C10orf71: variants seen among roughly 807,000 people sequenced by gnomAD.
C10orf71 encodes chromosome 10 open reading frame 71.
For synonymous variants in C10orf71, 758 were observed against 726.3 expected, an observed-to-expected ratio of 1.04 and a Z score of -0.70; for missense variants, 1,869 against 1,804.5, an observed-to-expected ratio of 1.04 and a Z score of -0.65.
chr10:49,320,410 G>A (rs1227424688), intron 2 of C10orf71, among the ~76,000 whole-genome samples: 3 of 152,226 alleles, frequency 2.0e-5, no homozygotes, highest in Non-Finnish European at 2.9e-5. Flanking sequence ...GGGCCCAGGT[G>A]ATGCAGACTC....
In C10orf71 at chr10:49,318,052, A is replaced by G. The variant is rs531480490; in HGVS notation, c.-145+1805A>G. ...CGATTTTGGACTTCTAGCCTCCAGA[A>G]CTGTGCGGCAATACATTTTCAATGT... is the stretch of plus-strand genomic sequence containing the variant. On this transcript the variant is annotated intron_variant, in intron 2 of 2. Coordinates refer to ENST00000374144, the MANE Select transcript of C10orf71 (RefSeq NM_001135196.2). Among the ~76,000 whole-genome samples the G allele has an allele frequency of 4.6e-5, 7 of 152,238 alleles. No homozygotes were observed. In the South Asian group the frequency reaches 1.5e-3, roughly 32 times the overall value.
intron 1 of C10orf71, among the ~76,000 whole-genome samples, chr10:49,307,350 G>A (rs1848832633): frequency 6.6e-6 from 1 of 152,248 alleles, no homozygotes; most frequent in Non-Finnish European, 1.5e-5. Context: ...GTGTCGTGGA[G>A]CAGCTGGCAG....
chr10:49,326,979 T>G lies in C10orf71; in HGVS notation c.*126T>G, dbSNP rs200006285. The stretch of plus-strand genomic sequence containing the variant: ...CACACACACGATCATCAACACATAC[T>G]TAGCCTTTTTAGATCCATAAAGTCC... On this transcript the variant is annotated 3_prime_UTR_variant, in exon 3 of 3. Transcript: ENST00000374144. The G allele has an allele frequency of 1.4e-4, 207 of 1,469,656 alleles. No homozygotes were observed. In the African/African-American group the frequency reaches 2.7e-3, roughly 19 times the overall value. The allele number at this position is 1,469,656 out of a possible 1,614,324, so 91.0% of individuals were successfully genotyped here.
chr10:49,327,074 C>A lies in C10orf71; in HGVS notation c.*221C>A. ...CTGGCTCTCCTCTGATGGAGGGGCA[C>A]TGCTTGCTTGGCCCGGTCCCCTCCG... On this transcript the variant is annotated 3_prime_UTR_variant, in exon 3 of 3. Transcript: ENST00000374144. 1 of 1,499,864 alleles carries A rather than the reference C, an allele frequency of 6.7e-7. No homozygotes were observed. Among genetic ancestry groups the A allele is most frequent in the South Asian group, 1.2e-5 (1 of 80,314 alleles). 92.9% of individuals were successfully genotyped at this position (1,499,864 alleles called of 1,614,324 possible).
Position 49,306,180 on chromosome 10 carries a change from C to T in C10orf71, c.-248+6947C>T, listed in dbSNP as rs137890615. ...AACCTCCTTCTAGTCCAGGCGTCCTCCCTGCTGTGGTGGGGATCCAGGACC... is the reference window on the plus strand; with the variant it reads ...AACCTCCTTCTAGTCCAGGCGTCCTTCCTGCTGTGGTGGGGATCCAGGACC... On this transcript the variant is annotated intron_variant, in intron 1 of 2. Coordinates refer to ENST00000374144, the MANE Select transcript of C10orf71 (RefSeq NM_001135196.2). Among the ~76,000 whole-genome samples the T allele has an allele frequency of 2.5e-3, 381 of 152,318 alleles. 3 individuals carry two copies. The highest frequency in any genetic ancestry group is 0.014 in the Middle Eastern group (4 of 294).
chr10:49,317,863 A>C (rs1027959729), intron 2 of C10orf71, among the ~76,000 whole-genome samples: 2 of 152,154 alleles, frequency 1.3e-5, no homozygotes, highest in African/African-American at 4.8e-5. Context: ...AATAATTGGA[A>C]AATTTTAAAA....
intron 1 of C10orf71, among the ~76,000 whole-genome samples, chr10:49,310,146 C>A (rs1848885917): frequency 1.3e-5 from 2 of 152,226 alleles, no homozygotes; most frequent in South Asian, 4.1e-4. Context: ...CCCAGCTCTG[C>A]AGAGCCCAGC....
intron 1 of C10orf71, among the ~76,000 whole-genome samples, chr10:49,300,804 G>A (rs751562190): frequency 1.3e-5 from 2 of 152,192 alleles, no homozygotes; most frequent in Non-Finnish European, 2.9e-5. Context: ...GCTCTTGGAT[G>A]ACCAGAAGCT....
chr10:49,315,600 G>A (rs1848987406), intron 1 of C10orf71, among the ~76,000 whole-genome samples: 1 of 152,296 alleles, frequency 6.6e-6, no homozygotes, highest in East Asian at 1.9e-4. Flanking sequence ...CTTAAAAGAG[G>A]TTTCTAAAAA....
At chr10:49,321,876 T>C (rs1387543560) in intron 2 of C10orf71, among the ~76,000 whole-genome samples, 2 of 152,258 alleles carry the variant, frequency 1.3e-5, no homozygotes, top group Non-Finnish European at 2.9e-5. Context: ...GTTCAGTTTC[T>C]CTACCCATTT....
chr10:49,325,969 T>C lies in C10orf71; in HGVS notation c.3424T>C (p.Ser1142Pro). ...EDLRTLSPRG[S>P]LLDVATSPAG... ...CCTCCGGACCCTCTCTCCAAGAGGTTCATTGCTGGATGTGGCCACCAGCCC... is the reference window on the plus strand; with the variant it reads ...CCTCCGGACCCTCTCTCCAAGAGGTCCATTGCTGGATGTGGCCACCAGCCC... The change falls in exon 3 of 3, where the codon TCA (serine) becomes CCA (proline). Residue 1142 changes from serine to proline, a missense_variant. Coordinates refer to ENST00000374144, the MANE Select transcript of C10orf71 (RefSeq NM_001135196.2). The C allele has an allele frequency of 6.4e-7, 1 of 1,551,678 alleles. No homozygotes were observed. Among genetic ancestry groups the C allele is most frequent in the Non-Finnish European group, 8.7e-7 (1 of 1,146,992 alleles).
chr10:49,323,381 C>A lies in C10orf71; in HGVS notation c.836C>A (p.Ser279Ter). 1 of 1,613,962 alleles carries A rather than the reference C, an allele frequency of 6.2e-7. No homozygotes were observed. Among genetic ancestry groups the A allele is most frequent in the Non-Finnish European group, 8.5e-7 (1 of 1,179,858 alleles). ...CACAGTGAAAATAGTGCTTTTGAGT[C>A]ATGGAATGCCCACCAACCAAAGCTG... ...FLHSENSAFE[S>*]WNAHQPKLLE... Residue 279 changes from serine to a stop codon, truncating the protein, a stop_gained, in exon 3 of 3, where the codon TCA becomes TAA. Coordinates refer to ENST00000374144, the MANE Select transcript of C10orf71 (RefSeq NM_001135196.2). LOFTEE classifies it low-confidence loss of function (END_TRUNC).
rs200209073 is a variant in C10orf71, at chr10:49,326,102, A to G, written c.3557A>G (p.Lys1186Arg). ...GAGAAAGCCCTGCGGCGGGCAAAGA[A>G]GCTGGCAAGTAAGAGGAGGAAGACG... is the stretch of plus-strand genomic sequence containing the variant. Reference protein sequence around the residue: ...KTEKALRRAKKLASKRRKTDQ... With the variant: ...KTEKALRRAKRLASKRRKTDQ... The change falls in exon 3 of 3, where the codon AAG becomes AGG. Residue 1186 changes from lysine to arginine, a missense_variant. Transcript: ENST00000374144. 444 of 1,551,616 alleles carry G rather than the reference A, an allele frequency of 2.9e-4. No homozygotes were observed. Among genetic ancestry groups the G allele is most frequent in the Non-Finnish European group, 3.7e-4 (428 of 1,147,008 alleles).
chr10:49,305,658 T>C lies in C10orf71; in HGVS notation c.-248+6425T>C, dbSNP rs138556229. Among the ~76,000 whole-genome samples the C allele has an allele frequency of 2.4e-3, 364 of 152,316 alleles. 1 individual carries two copies. The highest frequency in any genetic ancestry group is 8.0e-3 in the African/African-American group (334 of 41,564). ...GAGCAGTAAGGCAAGGCCCAGCCCATGGACCTGCCACCAGCGGGTGGGGTC... is the reference window on the plus strand; with the variant it reads ...GAGCAGTAAGGCAAGGCCCAGCCCACGGACCTGCCACCAGCGGGTGGGGTC... On this transcript the variant is annotated intron_variant, in intron 1 of 2. Coordinates refer to ENST00000374144, the MANE Select transcript of C10orf71 (RefSeq NM_001135196.2).
In C10orf71 at chr10:49,322,638, C is replaced by T; in HGVS notation, c.93C>T (p.Ser31=). 3 of 1,613,462 alleles carry T rather than the reference C, an allele frequency of 1.9e-6. No homozygotes were observed. The highest frequency in any genetic ancestry group is 2.5e-6 in the Non-Finnish European group (3 of 1,179,646). ...VLDDADREVS[S]LTDRAFRSLC... ...ATGATGCAGACAGGGAGGTGAGCAG[C>T]CTAACAGACCGGGCATTCCGGAGTT... is the stretch of plus-strand genomic sequence containing the variant. Residue 31 remains serine (S), a synonymous_variant, in exon 3 of 3, where the codon AGC becomes AGT. Transcript: ENST00000374144.
Position 49,324,881 on chromosome 10 carries a change from T to C in C10orf71, c.2336T>C (p.Leu779Pro), listed in dbSNP as rs1564691997. 1 of 1,551,558 alleles carries C rather than the reference T, an allele frequency of 6.4e-7. No individual in the cohort carries two copies. The change falls in exon 3 of 3, where the codon CTG becomes CCG. Residue 779 changes from leucine to proline, a missense_variant. By Grantham distance (98) the Leu-to-Pro change is moderately conservative. Transcript: ENST00000374144. ...EKENVMRKDE[L>P]QYCALSNGHA... is the part of the protein sequence containing the mutation. ...GAGAATGTGATGCGGAAGGATGAGCTGCAGTACTGTGCCTTAAGCAATGGG... is the reference window on the plus strand; with the variant it reads ...GAGAATGTGATGCGGAAGGATGAGCCGCAGTACTGTGCCTTAAGCAATGGG...
chr10:49,322,387 CT>C lies in C10orf71; in HGVS notation c.-144-10del. ...TGTATACTTTGTTCACGCCCTGCAC[CT>C]TTTTCTTTTGCAGAGAAAAAAAAAA... On this transcript the variant is annotated splice_polypyrimidine_tract_variant and intron_variant, in intron 2 of 2. Transcript: ENST00000374144. 7 of 816,638 alleles carry C rather than the reference CT, an allele frequency of 8.6e-6. No homozygotes were observed. Among genetic ancestry groups the C allele is most frequent in the South Asian group, 1.9e-5 (1 of 51,546 alleles). 50.6% of individuals were successfully genotyped at this position (816,638 alleles called of 1,614,324 possible).
intron 1 of C10orf71, among the ~76,000 whole-genome samples, chr10:49,305,449 T>A (rs1848796469): frequency 6.6e-6 from 1 of 152,220 alleles, no homozygotes; most frequent in Non-Finnish European, 1.5e-5. Flanking sequence ...GAGGCTGTTG[T>A]GAATACTAAT....
At chr10:49,315,089 C>T (rs1390484467) in intron 1 of C10orf71, among the ~76,000 whole-genome samples, 4 of 152,106 alleles carry the variant, frequency 2.6e-5, no homozygotes. Context: ...TTTGGGAACA[C>T]GAAGGAGGCC....
Sources: gnomAD v4.1 joint callset for allele counts (sites outside exome capture counted in the v4.1 genomes callset) on GRCh38, gnomAD v4.1.1 for gene constraint, MANE v1.5 for transcripts, NCBI Gene and HGNC (gene_info 2026-07-23, HGNC 2026-07-21) for gene names.